Variants in DTNBP1 observed in about 807,000 individuals in gnomAD.
DTNBP1 encodes dysbindin.
DTNBP1 carries 35 observed loss-of-function variants against 42.8 expected under a neutral mutation model. The ratio of observed to expected loss-of-function variants is 0.82; its 90% CI spans 0.63 to 1.09. The LOEUF is 1.09. Among genes scored for constraint, DTNBP1 ranks in the 50% least tolerant of loss-of-function variants. DTNBP1 has a pLI of 0.00. For synonymous variants in DTNBP1, 171 were observed against 162.2 expected (o/e 1.05, Z -0.41); for missense variants, 457 against 424.2 (o/e 1.08, Z -0.68).
At chr6:15,603,574 G>A (rs545993510) in intron 6 of DTNBP1, among the ~76,000 whole-genome samples, 1 of 152,240 alleles carries the variant, frequency 6.6e-6, no homozygotes, top group East Asian at 1.9e-4. Flanking sequence ...TTAGATACCA[G>A]ACATTGTGAT....
chr6:15,558,227 C>T lies in DTNBP1; in HGVS notation c.512-24832G>A, dbSNP rs557039753. Among the ~76,000 whole-genome samples the T allele has an allele frequency of 2.0e-5, 3 of 151,496 alleles. No homozygotes were observed. In the South Asian group the frequency reaches 6.2e-4, roughly 32 times the overall value. ...TCCACAATTGTCTTGTTTTGATCCT[C>T]TTCAAAGGATGGTTTATAATCAACT... On this transcript the variant is annotated intron_variant, in intron 7 of 9. Coordinates refer to ENST00000344537, the MANE Select transcript of DTNBP1 (RefSeq NM_032122.5).
chr6:15,641,167 A>G (rs993698816), intron 3 of DTNBP1, among the ~76,000 whole-genome samples: 2 of 152,224 alleles, frequency 1.3e-5, no homozygotes, highest in African/African-American at 4.8e-5. Context: ...CTTAAAGACT[A>G]GGACATTCAA....
Position 15,533,326 on chromosome 6 carries a change from T to A in DTNBP1, c.581A>T (p.Glu194Val). ...MEHTQQMKLK[E>V]RQKFFEEAFQ... ...GGCTTCCTCAAAAAACTTCTGCCGC[T>A]CCTTCAGCTTCATTTGCTGGGTGTG... The change falls in exon 8 of 10, where the codon GAG becomes GTG. Residue 194 changes from glutamate (E) to valine (V), a missense_variant. Coordinates refer to ENST00000344537, the MANE Select transcript of DTNBP1 (RefSeq NM_032122.5). 6.2e-7 allele frequency: 1 copy of A among 1,614,226 alleles called. No individual in the cohort carries two copies. Among genetic ancestry groups the A allele is most frequent in the Non-Finnish European group, 8.5e-7 (1 of 1,180,050 alleles).
intron 7 of DTNBP1, among the ~76,000 whole-genome samples, chr6:15,551,235 G>T (rs1289904908): frequency 6.6e-6 from 1 of 152,034 alleles, no homozygotes; most frequent in Non-Finnish European, 1.5e-5. Context: ...AAACCTGAAG[G>T]TATCAATGCC....
chr6:15,533,207 G>A (rs1005788664), intron 8 of DTNBP1, 33 bp downstream of exon 8: 2 of 1,611,672 alleles, frequency 1.2e-6, no homozygotes, highest in Admixed American at 3.3e-5. Context: ...CAGCCGGTGA[G>A]TCCCCACACC....
intron 1 of DTNBP1, among the ~76,000 whole-genome samples, chr6:15,661,112 TGTTA>T (rs941261332): frequency 2.6e-5 from 4 of 152,242 alleles, no homozygotes; most frequent in Non-Finnish European, 5.9e-5. Context: ...TTTGACAGTT[TGTTA>T]TTCAACGCCC....
At chr6:15,625,137 C>G (rs751003025) in intron 5 of DTNBP1, among the ~76,000 whole-genome samples, 1 of 152,146 alleles carries the variant, frequency 6.6e-6, no homozygotes, top group Non-Finnish European at 1.5e-5. Flanking sequence ...CTATCTTCCA[C>G]AGTCATTCAT....
chr6:15,544,556 A>C (rs75056912), intron 7 of DTNBP1, among the ~76,000 whole-genome samples: 52 of 152,330 alleles, frequency 3.4e-4, no homozygotes, highest in African/African-American at 1.2e-3. Flanking sequence ...GTTTCTCTGC[A>C]TCTTTGCCAG....
At chr6:15,627,317 A>C (rs754364280) in intron 5 of DTNBP1, 26 bp downstream of exon 5, 16 of 1,611,306 alleles carry the variant, frequency 9.9e-6, no homozygotes, top group Non-Finnish European at 1.3e-5. Context: ...CCTAAAAGTA[A>C]TGTACAATGA....
At chr6:15,630,816 G>A (rs571695237) in intron 4 of DTNBP1, among the ~76,000 whole-genome samples, 2 of 152,280 alleles carry the variant, frequency 1.3e-5, no homozygotes, top group South Asian at 4.1e-4. Flanking sequence ...TACTCGGGAG[G>A]CTGAGGCAGG....
At chr6:15,663,031 C>G, upstream of DTNBP1, 2 of 957,976 alleles carry the variant, frequency 2.1e-6, no homozygotes, top group Non-Finnish European at 2.9e-6. Context: ...GCAACCCCAG[C>G]CCCTTCCGCG....
chr6:15,575,769 G>A (rs1297543756), intron 7 of DTNBP1, among the ~76,000 whole-genome samples: 2 of 152,198 alleles, frequency 1.3e-5, no homozygotes, highest in Admixed American at 6.5e-5. Context: ...GATGTGGGAG[G>A]TGCACCTCAT....
At chr6:15,575,421 T>C (rs1415713217) in intron 7 of DTNBP1, among the ~76,000 whole-genome samples, 1 of 152,216 alleles carries the variant, frequency 6.6e-6, no homozygotes, top group African/African-American at 2.4e-5. Context: ...TCACTTGTTA[T>C]GGGCAAGAGA....
At chr6:15,570,628 T>C (rs1452572362) in intron 7 of DTNBP1, among the ~76,000 whole-genome samples, 1 of 152,258 alleles carries the variant, frequency 6.6e-6, no homozygotes, top group African/African-American at 2.4e-5. Flanking sequence ...CTCCCTGTAC[T>C]GCAAACTGTT....
intron 6 of DTNBP1, among the ~76,000 whole-genome samples, chr6:15,606,002 G>A (rs9464805): frequency 0.13 from 19,274 of 152,228 alleles, 1,544 homozygotes; most frequent in African/African-American, 0.23. Flanking sequence ...TATTTTCCCC[G>A]TACAACCACA....
intron 8 of DTNBP1, among the ~76,000 whole-genome samples, chr6:15,526,541 G>A (rs188460666): frequency 1.6e-4 from 24 of 152,254 alleles, no homozygotes; most frequent in Admixed American, 1.2e-3. Flanking sequence ...CATGCTTGGC[G>A]GCATCACCCT....
intron 3 of DTNBP1, among the ~76,000 whole-genome samples, chr6:15,646,489 C>A (rs554273504): frequency 6.6e-6 from 1 of 150,924 alleles, no homozygotes; most frequent in African/African-American, 2.4e-5. Context: ...ATTACCAATG[C>A]CATTTTCCCC....
At chr6:15,583,315 T>C (rs1412726140) in intron 7 of DTNBP1, among the ~76,000 whole-genome samples, 1 of 152,180 alleles carries the variant, frequency 6.6e-6, no homozygotes, top group Non-Finnish European at 1.5e-5. Flanking sequence ...GGCATACCTT[T>C]ACAGGGAAAG....
In DTNBP1 at chr6:15,627,346, G is replaced by A; in HGVS notation, c.352C>T (p.Leu118=). Residue 118 remains leucine, a synonymous_variant, in exon 5 of 10, where the codon CTG becomes TTG. Coordinates refer to ENST00000344537, the MANE Select transcript of DTNBP1 (RefSeq NM_032122.5). ...ACAATGAAAACATTGGACTTACTCA[G>A]ATTTGCTGTCATGGATTCTAAGTCT... is the stretch of plus-strand genomic sequence containing the variant. ...IADLESMTAN[L]THLEASFEEV... The A allele has an allele frequency of 6.2e-7, 1 of 1,613,094 alleles. No homozygotes were observed. Among genetic ancestry groups the A allele is most frequent in the Non-Finnish European group, 8.5e-7 (1 of 1,179,712 alleles).
Sources: allele counts gnomAD v4.1 joint callset (sites outside exome capture counted in the v4.1 genomes callset), GRCh38; gene constraint gnomAD v4.1.1; transcripts MANE v1.5; gene names NCBI Gene and HGNC (gene_info 2026-07-23, HGNC 2026-07-21).